UVRAG: variants seen among roughly 807,000 people sequenced by gnomAD.
UVRAG encodes the protein UV radiation resistance-associated gene protein.
In UVRAG, 19 loss-of-function variants were observed where a neutral mutation model predicts 78.0. That is an observed-to-expected ratio of 0.24 (90% CI 0.17 to 0.36). The LOEUF (loss-of-function observed/expected upper bound fraction) is 0.36, where lower values mean the gene tolerates loss of function less well. UVRAG is among the 10% of genes least tolerant of loss of function. UVRAG has a pLI of 1.00. For missense variants in UVRAG, 740 were observed against 853.8 expected (o/e 0.87, Z 1.66); for synonymous variants, 323 against 324.6 (o/e 1.00, Z 0.05).
At position 75,888,839 on chromosome 11, in the gene UVRAG, G is replaced by T. The variant is rs370425154; in HGVS notation, c.443G>T (p.Arg148Leu). ...LKYLGQQIHARNQNEIIFGLN... is the reference protein window; with the variant it reads ...LKYLGQQIHALNQNEIIFGLN... ...TTCCTCCTCTCTTAGATTCATGCCCGAAACCAAAATGAAATAATTTTTGGG... is the reference window on the plus strand; with the variant it reads ...TTCCTCCTCTCTTAGATTCATGCCCTAAACCAAAATGAAATAATTTTTGGG... The change falls in exon 5 of 15, where the codon CGA becomes CTA. Residue 148 changes from arginine to leucine, a missense_variant. Physicochemically the swap from Arg to Leu is moderately radical, Grantham distance 102 (BLOSUM62 -2). Coordinates refer to ENST00000356136, the MANE Select transcript of UVRAG (RefSeq NM_003369.4). 3.7e-6 allele frequency: 6 copies of T among 1,613,192 alleles called. No individual in the cohort carries two copies. In the East Asian group the frequency reaches 1.3e-4, roughly 36 times the overall value.
chr11:75,925,337 G>A (rs1288600933), intron 6 of UVRAG, among the ~76,000 whole-genome samples: 1 of 152,202 alleles, frequency 6.6e-6, no homozygotes, highest in African/African-American at 2.4e-5. Context: ...GATTTTAGGA[G>A]AATTAATACA....
intron 1 of UVRAG, among the ~76,000 whole-genome samples, chr11:75,819,328 T>G (rs1945336503): frequency 1.3e-5 from 2 of 151,016 alleles, no homozygotes; most frequent in African/African-American, 2.4e-5. Flanking sequence ...TAGTGACACA[T>G]TTTTTTTACA....
intron 9 of UVRAG, among the ~76,000 whole-genome samples, chr11:76,004,743 A>C (rs535402613): frequency 6.6e-6 from 1 of 151,228 alleles, no homozygotes; most frequent in South Asian, 2.1e-4. Flanking sequence ...CTCCACCTCA[A>C]CCTCCCAAAG....
chr11:76,065,956 T>C (rs1327043470), intron 13 of UVRAG, among the ~76,000 whole-genome samples, 168 bp downstream of exon 13: 2 of 152,228 alleles, frequency 1.3e-5, no homozygotes, highest in African/African-American at 2.4e-5. Flanking sequence ...TTCCGTGCCC[T>C]TAAAATGACT....
chr11:76,034,081 CATT>C (rs1207018703), intron 12 of UVRAG, among the ~76,000 whole-genome samples: 1 of 151,962 alleles, frequency 6.6e-6, no homozygotes, highest in African/African-American at 2.4e-5. Flanking sequence ...TCTTAGTTAC[CATT>C]ATTGTGTTTT....
intron 13 of UVRAG, among the ~76,000 whole-genome samples, chr11:76,090,392 G>A (rs1037187207): frequency 1.3e-5 from 2 of 152,122 alleles, no homozygotes; most frequent in African/African-American, 4.8e-5. Flanking sequence ...CCTGTTGAAT[G>A]TATATACTTA....
At chr11:76,117,938 A>G (rs1169029550) in intron 14 of UVRAG, among the ~76,000 whole-genome samples, 1 of 152,254 alleles carries the variant, frequency 6.6e-6, no homozygotes, top group Non-Finnish European at 1.5e-5. Context: ...CTGTTAGGGA[A>G]AAGCTAACCT....
chr11:76,067,682 C>T (rs955995263), intron 13 of UVRAG, among the ~76,000 whole-genome samples: 21 of 151,942 alleles, frequency 1.4e-4, no homozygotes, highest in African/African-American at 4.8e-4. Context: ...CTCTTGAACC[C>T]GGGAGGCAGA....
intron 3 of UVRAG, among the ~76,000 whole-genome samples, chr11:75,877,102 C>T (rs372191492): frequency 0.062 from 9,363 of 150,198 alleles, 402 homozygotes; most frequent in African/African-American, 0.13. Flanking sequence ...CATCTTGCAC[C>T]GCCCTTAATC....
chr11:75,828,619 C>T (rs1166889155), intron 1 of UVRAG, among the ~76,000 whole-genome samples: 1 of 150,194 alleles, frequency 6.7e-6, no homozygotes, highest in East Asian at 1.9e-4. Context: ...GCTGAGACTA[C>T]AGGCACGCAC....
chr11:75,850,495 G>T (rs1273618942), intron 1 of UVRAG, among the ~76,000 whole-genome samples: 1 of 152,164 alleles, frequency 6.6e-6, no homozygotes, highest in Non-Finnish European at 1.5e-5. Context: ...AGTAAGGATG[G>T]TATATAGAGA....
intron 13 of UVRAG, among the ~76,000 whole-genome samples, chr11:76,080,412 G>A (rs371673063): frequency 1.2e-4 from 19 of 152,218 alleles, no homozygotes; most frequent in African/African-American, 4.1e-4. Flanking sequence ...TACCAAAACT[G>A]TGTTACATGT....
chr11:75,843,181 C>T (rs1385820524), intron 1 of UVRAG, among the ~76,000 whole-genome samples: 2 of 152,118 alleles, frequency 1.3e-5, no homozygotes, highest in Non-Finnish European at 2.9e-5. Flanking sequence ...CTGAAAATGG[C>T]TTTGAGTTCT....
At chr11:75,840,485 G>T (rs1355136027) in intron 1 of UVRAG, among the ~76,000 whole-genome samples, 4 of 152,148 alleles carry the variant, frequency 2.6e-5, no homozygotes, top group Non-Finnish European at 2.9e-5. Flanking sequence ...GAAACCCACA[G>T]CCAAAATGTA....
intron 12 of UVRAG, among the ~76,000 whole-genome samples, chr11:76,023,182 A>G (rs1024109548): frequency 2.0e-5 from 3 of 152,008 alleles, no homozygotes; most frequent in African/African-American, 2.4e-5. Context: ...TACAGCTTCA[A>G]GTTACTATCT....
chr11:75,868,504 T>TGGGGCACATCTGGTGGACC (rs981772760), intron 3 of UVRAG, among the ~76,000 whole-genome samples: 1 of 152,134 alleles, frequency 6.6e-6, no homozygotes, highest in Non-Finnish European at 1.5e-5. Flanking sequence ...TAATGCAAAA[T>TGGGGCACATCTGGTGGACC]GGGGCACATC....
chr11:76,015,896 T>G (rs1345942422), intron 11 of UVRAG, among the ~76,000 whole-genome samples: 2 of 152,248 alleles, frequency 1.3e-5, no homozygotes, highest in African/African-American at 2.4e-5. Flanking sequence ...CCAGATTATG[T>G]GTTAAATGTT....
intron 1 of UVRAG, among the ~76,000 whole-genome samples, chr11:75,828,803 A>ATTTTT (rs1412890541): frequency 2.8e-4 from 24 of 85,446 alleles, no homozygotes; most frequent in Non-Finnish European, 4.6e-4. Flanking sequence ...ATATATATAT[A>ATTTTT]TATTTTTTTT....
chr11:75,985,630 C>T (rs1200687644), intron 8 of UVRAG, among the ~76,000 whole-genome samples: 1 of 151,820 alleles, frequency 6.6e-6, no homozygotes, highest in Non-Finnish European at 1.5e-5. Flanking sequence ...AGTTGTTTTT[C>T]TATGTGTTCT....
Sources: gnomAD v4.1 joint callset for allele counts (sites outside exome capture counted in the v4.1 genomes callset) on GRCh38, gnomAD v4.1.1 for gene constraint, MANE v1.5 for transcripts, NCBI Gene and HGNC (gene_info 2026-07-23, HGNC 2026-07-21) for gene names.